ENPP1: variants seen among roughly 807,000 people sequenced by gnomAD.
The protein encoded by ENPP1 is ectonucleotide pyrophosphatase/phosphodiesterase family member 1.
A neutral mutation model predicts 122.8 loss-of-function variants in ENPP1; 73 were observed. That is an observed-to-expected ratio of 0.59 (90% CI 0.49 to 0.72). The LOEUF is 0.72. Among genes scored for constraint, ENPP1 ranks in the 30% least tolerant of loss-of-function variants. ENPP1 has a pLI of 0.00. For missense variants in ENPP1, 978 were observed against 1,128.1 expected, an observed-to-expected ratio of 0.87 and a Z score of 1.91; for synonymous variants, 367 against 391.6, an observed-to-expected ratio of 0.94 and a Z score of 0.74.
chr6:131,865,855 G>T (rs890236774), intron 11 of ENPP1, among the ~76,000 whole-genome samples: 2 of 152,036 alleles, frequency 1.3e-5, no homozygotes, highest in Non-Finnish European at 2.9e-5. Flanking sequence ...AATTAGCCGG[G>T]CCTGGTGGTG....
chr6:131,861,131 C>T (rs775130447), intron 8 of ENPP1, among the ~76,000 whole-genome samples: 1 of 152,090 alleles, frequency 6.6e-6, no homozygotes, highest in Non-Finnish European at 1.5e-5. Context: ...ACAAATCATT[C>T]TGTTTCTGCC....
intron 1 of ENPP1, among the ~76,000 whole-genome samples, chr6:131,830,834 G>C (rs1294636557): frequency 1.3e-5 from 2 of 151,882 alleles, no homozygotes; most frequent in African/African-American, 2.4e-5. Flanking sequence ...AATAGGGCCA[G>C]GCTGGGTGGC....
At chr6:131,884,335 C>G (rs919662879) in intron 22 of ENPP1, among the ~76,000 whole-genome samples, 1 of 152,096 alleles carries the variant, frequency 6.6e-6, no homozygotes, top group Admixed American at 6.6e-5. Context: ...TGCGATGTTG[C>G]TATGCTTAAT....
At chr6:131,852,607 G>T (rs1334474533) in intron 5 of ENPP1, among the ~76,000 whole-genome samples, 5 of 152,044 alleles carry the variant, frequency 3.3e-5, no homozygotes, top group African/African-American at 1.2e-4. Flanking sequence ...TGGCAATGGT[G>T]GAACAGAGAT....
chr6:131,847,922 G>A (rs1781833700), intron 2 of ENPP1, 74 bp downstream of exon 2: 2 of 1,147,876 alleles, frequency 1.7e-6, no homozygotes, highest in Non-Finnish European at 2.6e-6. Context: ...TATTAAGAAT[G>A]TGATTGAGGT....
intron 13 of ENPP1, among the ~76,000 whole-genome samples, chr6:131,871,627 G>A (rs975381585): frequency 6.6e-5 from 10 of 152,180 alleles, no homozygotes; most frequent in African/African-American, 2.2e-4. Flanking sequence ...GGAACAAGAT[G>A]TACAAAACAG....
At chr6:131,842,263 A>G (rs1007802371) in intron 1 of ENPP1, among the ~76,000 whole-genome samples, 10 of 152,200 alleles carry the variant, frequency 6.6e-5, no homozygotes, top group African/African-American at 1.4e-4. Flanking sequence ...AGTGACAGCC[A>G]TGATTGTTGT....
At chr6:131,887,780 T>C (rs1394983529) in intron 24 of ENPP1, among the ~76,000 whole-genome samples, 1 of 147,818 alleles carries the variant, frequency 6.8e-6, no homozygotes, top group South Asian at 2.1e-4. Flanking sequence ...TTAGCCAGGA[T>C]GGTCTCAATC....
At chr6:131,810,873 C>T (rs1355361483) in intron 1 of ENPP1, among the ~76,000 whole-genome samples, 1 of 152,106 alleles carries the variant, frequency 6.6e-6, no homozygotes, top group Non-Finnish European at 1.5e-5. Context: ...GGCTTCTCCC[C>T]ATTGTGGTGG....
intron 1 of ENPP1, among the ~76,000 whole-genome samples, chr6:131,811,366 ATC>A (rs1475707996): frequency 1.5e-4 from 21 of 143,154 alleles, no homozygotes; most frequent in Admixed American, 4.1e-4. Flanking sequence ...ATATATCTAT[ATC>A]TATATCTATA....
intron 4 of ENPP1, 128 bp from the exon 5 acceptor site, chr6:131,852,047 A>G: frequency 1.5e-6 from 1 of 677,762 alleles, no homozygotes; most frequent in Non-Finnish European, 2.7e-6. Flanking sequence ...CTCCAGAGTC[A>G]TGTCCTGTGT....
At chr6:131,886,415 T>C (rs916698722) in intron 23 of ENPP1, 147 bp from the exon 24 acceptor site, 5 of 636,098 alleles carry the variant, frequency 7.9e-6, no homozygotes, top group Non-Finnish European at 1.4e-5. Context: ...GCAGAGTATG[T>C]TGAGGTATTG....
Position 131,883,617 on chromosome 6 carries a change from TC to T in ENPP1, c.2231-73del, listed in dbSNP as rs957579334. Reference sequence around the variant, plus strand: ...GTACTCAGCTAATTTTTAAAAATGCTCCCCTAACCATGAGAAACTATAATTT... The same window carrying T: ...GTACTCAGCTAATTTTTAAAAATGCTCCCTAACCATGAGAAACTATAATTT... On this transcript the variant is annotated intron_variant, in intron 21 of 24. Transcript: ENST00000647893. The T allele has an allele frequency of 9.0e-6, 7 of 781,342 alleles. No individual in the cohort carries two copies. In the African/African-American group the frequency reaches 1.2e-4, roughly 14 times the overall value. 48.4% of individuals were successfully genotyped at this position (781,342 alleles called of 1,614,324 possible).
At chr6:131,851,448 T>G in intron 4 of ENPP1, 181 bp downstream of exon 4, 17 of 632,020 alleles carry the variant, frequency 2.7e-5, no homozygotes, top group Non-Finnish European at 3.8e-5. Flanking sequence ...GGAGAGAGAG[T>G]ATGTAATGAA....
chr6:131,843,315 T>C (rs1781764033), intron 1 of ENPP1, among the ~76,000 whole-genome samples: 1 of 152,238 alleles, frequency 6.6e-6, no homozygotes, highest in South Asian at 2.1e-4. Flanking sequence ...GTCATACTTT[T>C]GTTTCAGTTC....
intron 1 of ENPP1, among the ~76,000 whole-genome samples, chr6:131,810,656 G>A (rs1781338640): frequency 6.6e-6 from 1 of 152,200 alleles, no homozygotes; most frequent in South Asian, 2.1e-4. Context: ...CTGGGGTTGG[G>A]ATTAGGAGAG....
At chr6:131,890,308 G>A in intron 24 of ENPP1, 33 bp from the exon 25 acceptor site, 3 of 1,585,634 alleles carry the variant, frequency 1.9e-6, no homozygotes, top group Non-Finnish European at 2.6e-6. Context: ...TGTTCTCTTG[G>A]TAACTTTTCT....
At chr6:131,855,563 C>A (rs2114696859) in intron 6 of ENPP1, among the ~76,000 whole-genome samples, 1 of 152,140 alleles carries the variant, frequency 6.6e-6, no homozygotes, top group Non-Finnish European at 1.5e-5. Flanking sequence ...TGGGCTCAAG[C>A]AATCCACCCA....
intron 15 of ENPP1, among the ~76,000 whole-genome samples, chr6:131,873,883 T>C (rs1390962442): frequency 6.6e-6 from 1 of 152,102 alleles, no homozygotes; most frequent in Non-Finnish European, 1.5e-5. Context: ...TTAGTAAATA[T>C]CTAAACACCA....
Sources: gnomAD v4.1 joint callset for allele counts (sites outside exome capture counted in the v4.1 genomes callset) on GRCh38, gnomAD v4.1.1 for gene constraint, MANE v1.5 for transcripts, NCBI Gene and HGNC (gene_info 2026-07-23, HGNC 2026-07-21) for gene names.